The following SMPDL3B variants were observed in gnomAD, a reference collection of about 807,000 sequenced individuals.
The protein encoded by SMPDL3B is acid sphingomyelinase-like phosphodiesterase 3b.
A neutral mutation model predicts 37.9 loss-of-function variants in SMPDL3B; 31 were observed. The observed-to-expected ratio is 0.82, with a 90% CI of 0.61 to 1.10. The LOEUF (loss-of-function observed/expected upper bound fraction) is 1.10, where lower values mean the gene tolerates loss of function less well. Ranked by LOEUF, SMPDL3B falls within the 50% of genes least tolerant of loss-of-function variation. The pLI, the probability that SMPDL3B is intolerant of heterozygous loss-of-function variation, is 0.00. For missense variants in SMPDL3B, 525 were observed against 597.8 expected (o/e 0.88, Z 1.27); for synonymous variants, 235 against 242.6 (o/e 0.97, Z 0.29).
At position 27,953,198 on chromosome 1, in the gene SMPDL3B, T is replaced by C. The variant is rs748880413; in HGVS notation, c.374-17T>C. 6.2e-6 allele frequency: 10 copies of C among 1,603,442 alleles called. No homozygotes were observed. In the Admixed American group the frequency reaches 1.7e-4, roughly 28 times the overall value. ...GCTTTTGCATATATATTTTGATATTTCACCCTTTCTTCCTAGATACTAAAG... is the reference window on the plus strand; with the variant it reads ...GCTTTTGCATATATATTTTGATATTCCACCCTTTCTTCCTAGATACTAAAG... On this transcript the variant is annotated splice_polypyrimidine_tract_variant and intron_variant, in intron 3 of 7. Coordinates refer to ENST00000373894, the MANE Select transcript of SMPDL3B (RefSeq NM_014474.4).
intron 2 of SMPDL3B, among the ~76,000 whole-genome samples, chr1:27,948,530 G>A (rs2090429449): frequency 6.6e-6 from 1 of 152,068 alleles, no homozygotes; most frequent in Admixed American, 6.6e-5. Flanking sequence ...AGTGGTCCCA[G>A]GGCAGAATCA....
Position 27,935,283 on chromosome 1 carries a change from ACT to A in SMPDL3B, c.61+40_61+41del, listed in dbSNP as rs749490114. 12 of 1,495,762 alleles carry A rather than the reference ACT, an allele frequency of 8.0e-6. No individual in the cohort carries two copies. In the Admixed American group the frequency reaches 2.0e-4, roughly 25 times the overall value. The allele number at this position is 1,495,762 out of a possible 1,614,324, so 92.7% of individuals were successfully genotyped here. ...AATGTCTGCTATGCCTTTGTTTTGT[ACT>A]GTGAACTCTGGGGCTGCGGGAAGCT... On this transcript the variant is annotated intron_variant, in intron 1 of 7. Transcript: ENST00000373894.
intron 1 of SMPDL3B, among the ~76,000 whole-genome samples, chr1:27,938,195 G>A (rs2090325465): frequency 1.3e-5 from 2 of 152,076 alleles, no homozygotes; most frequent in Non-Finnish European, 2.9e-5. Flanking sequence ...ATTTTTTCCT[G>A]GGCAAAGCCA....
chr1:27,947,532 C>T (rs958167190), intron 2 of SMPDL3B, among the ~76,000 whole-genome samples: 1 of 145,196 alleles, frequency 6.9e-6, no homozygotes, highest in African/African-American at 2.7e-5. Context: ...GCAGGAGAAT[C>T]GCTTGAACCT....
intron 2 of SMPDL3B, among the ~76,000 whole-genome samples, chr1:27,948,251 G>A (rs556144820): frequency 1.3e-3 from 198 of 152,294 alleles, no homozygotes; most frequent in Non-Finnish European, 2.1e-3. Context: ...TTACATTGCA[G>A]TGTTATAATG....
At chr1:27,938,589 G>A (rs994290527) in intron 1 of SMPDL3B, among the ~76,000 whole-genome samples, 14 of 152,196 alleles carry the variant, frequency 9.2e-5, no homozygotes, top group Non-Finnish European at 1.9e-4. Context: ...ATTGTAAAAT[G>A]TTGTAAAAGT....
rs1638358033 is a variant in SMPDL3B, at chr1:27,958,400, G to T, written c.1006-76G>T. Reference sequence around the variant, plus strand: ...TGGTCACTGCTCTAAAGAACTTGGGGGCAAATGCAAGGTGCAGGATGGGGA... The same window carrying T: ...TGGTCACTGCTCTAAAGAACTTGGGTGCAAATGCAAGGTGCAGGATGGGGA... On this transcript the variant is annotated intron_variant, in intron 7 of 7. Coordinates refer to ENST00000373894, the MANE Select transcript of SMPDL3B (RefSeq NM_014474.4). This position sits in a 1 kb window ranked among gnomAD's most constrained non-coding sequence, Gnocchi z 5.6. The T allele has an allele frequency of 6.6e-7, 1 of 1,521,968 alleles. No homozygotes were observed. Among genetic ancestry groups the T allele is most frequent in the Non-Finnish European group, 8.8e-7 (1 of 1,132,996 alleles). The allele number at this position is 1,521,968 out of a possible 1,614,324, so 94.3% of individuals were successfully genotyped here.
chr1:27,935,358 T>A, intron 1 of SMPDL3B, 114 bp downstream of exon 1: 1 of 774,794 alleles, frequency 1.3e-6, no homozygotes, highest in Non-Finnish European at 2.2e-6. Flanking sequence ...AGGCAGGAGC[T>A]AGGCAGGGAG....
At chr1:27,939,940 C>T (rs1392956306) in intron 1 of SMPDL3B, among the ~76,000 whole-genome samples, 1 of 152,172 alleles carries the variant, frequency 6.6e-6, no homozygotes, top group African/African-American at 2.4e-5. Flanking sequence ...GCATGTGGCC[C>T]ATGAGATTTT....
chr1:27,944,319 T>A (rs1164291824), intron 1 of SMPDL3B, among the ~76,000 whole-genome samples: 1 of 152,144 alleles, frequency 6.6e-6, no homozygotes, highest in African/African-American at 2.4e-5. Context: ...ACTCTTATAC[T>A]CACTTCCACA....
intron 2 of SMPDL3B, among the ~76,000 whole-genome samples, chr1:27,946,599 C>T (rs2090409861): frequency 6.6e-6 from 1 of 152,124 alleles, no homozygotes; most frequent in African/African-American, 2.4e-5. Context: ...CTTCACAGGG[C>T]ACATGATCCC....
chr1:27,955,696 G>C lies in SMPDL3B; in HGVS notation c.703G>C (p.Gly235Arg), dbSNP rs767118489. 2 of 1,613,448 alleles carry C rather than the reference G, an allele frequency of 1.2e-6. No homozygotes were observed. The highest frequency in any genetic ancestry group is 2.2e-5 in the East Asian group (1 of 44,852). ...CCCTCCCTTGTAGGTGTACATTGTCGGCCACGTGCCCCCGGGGTTCTTTGA... is the reference window on the plus strand; with the variant it reads ...CCCTCCCTTGTAGGTGTACATTGTCCGCCACGTGCCCCCGGGGTTCTTTGA... ...SKAGDMVYIVGHVPPGFFEKT... is the reference protein window; with the variant it reads ...SKAGDMVYIVRHVPPGFFEKT... The change falls in exon 6 of 8, where the codon GGC becomes CGC. Residue 235 changes from glycine to arginine, a missense_variant. Gly to Arg is a moderately radical substitution (Grantham distance 125). Transcript: ENST00000373894.
chr1:27,955,543 T>A (rs113202351), intron 5 of SMPDL3B, 141 bp from the exon 6 acceptor site: 7 of 776,080 alleles, frequency 9.0e-6, no homozygotes, highest in African/African-American at 1.7e-5. Flanking sequence ...AAGTGGGACA[T>A]GGAATCCGGG....
chr1:27,939,794 C>G (rs934108774), intron 1 of SMPDL3B, among the ~76,000 whole-genome samples: 1 of 147,822 alleles, frequency 6.8e-6, no homozygotes, highest in African/African-American at 2.5e-5. Context: ...GCACTCCAGC[C>G]TGGGTTTTTG....
intron 2 of SMPDL3B, among the ~76,000 whole-genome samples, chr1:27,947,954 T>C (rs2090425064): frequency 6.6e-6 from 1 of 152,106 alleles, no homozygotes; most frequent in South Asian, 2.1e-4. Context: ...TGTCCCTGTG[T>C]CTTTGGGTTT....
At chr1:27,941,237 C>T (rs1042657397) in intron 1 of SMPDL3B, among the ~76,000 whole-genome samples, 2 of 152,226 alleles carry the variant, frequency 1.3e-5, no homozygotes, top group Non-Finnish European at 2.9e-5. Flanking sequence ...GGCATGACGA[C>T]ATTGTGTCTC....
intron 2 of SMPDL3B, among the ~76,000 whole-genome samples, chr1:27,946,964 G>C (rs1024564921): frequency 6.6e-6 from 1 of 152,130 alleles, no homozygotes; most frequent in African/African-American, 2.4e-5. Flanking sequence ...TGATTTCTCC[G>C]AGAAGGGAGA....
In SMPDL3B at chr1:27,958,549, A is replaced by G. The variant is rs781687977; in HGVS notation, c.1079A>G (p.Gln360Arg). 1 of 1,613,922 alleles carries G rather than the reference A, an allele frequency of 6.2e-7. No individual in the cohort carries two copies. The highest frequency in any genetic ancestry group is 8.5e-7 in the Non-Finnish European group (1 of 1,179,940). Residue 360 changes from glutamine to arginine, a missense_variant, in exon 8 of 8, where the codon CAG (glutamine) becomes CGG (arginine). Gln to Arg is a conservative substitution (Grantham distance 43, BLOSUM62 1). Transcript: ENST00000373894. This position sits in a 1 kb window ranked among gnomAD's most constrained non-coding sequence, Gnocchi z 5.6. ...QGTPRWELEYQLTEAYGVPDA... is the reference protein window; with the variant it reads ...QGTPRWELEYRLTEAYGVPDA... The stretch of plus-strand genomic sequence containing the variant: ...ACGCCGCGCTGGGAGCTCGAGTACC[A>G]GCTGACCGAGGCCTATGGGGTGCCG...
At chr1:27,952,361 C>T (rs2090461978) in intron 3 of SMPDL3B, among the ~76,000 whole-genome samples, 1 of 152,134 alleles carries the variant, frequency 6.6e-6, no homozygotes, top group South Asian at 2.1e-4. Flanking sequence ...ATGGGAGGCT[C>T]CAGCCTCCCT....
Sources: allele counts gnomAD v4.1 joint callset (sites outside exome capture counted in the v4.1 genomes callset), GRCh38; gene constraint gnomAD v4.1.1; non-coding constraint Gnocchi (gnomAD v3.1); transcripts MANE v1.5; gene names NCBI Gene and HGNC (gene_info 2026-07-23, HGNC 2026-07-21).